The following ARHGAP15 variants were observed in gnomAD, a reference collection of about 807,000 sequenced individuals.
The protein encoded by ARHGAP15 is rho GTPase-activating protein 15.
A neutral mutation model predicts 63.7 loss-of-function variants in ARHGAP15; 51 were observed. The ratio of observed to expected loss-of-function variants is 0.80; its 90% CI spans 0.64 to 1.01. ARHGAP15 has a LOEUF of 1.01. Ranked by LOEUF, ARHGAP15 falls within the 50% of genes least tolerant of loss-of-function variation. ARHGAP15 has a pLI of 0.00. For missense variants in ARHGAP15, 560 were observed against 564.6 expected (o/e 0.99, Z 0.08); for synonymous variants, 191 against 193.8 (o/e 0.99, Z 0.12).
intron 6 of ARHGAP15, among the ~76,000 whole-genome samples, chr2:143,395,142 C>T (rs950759996): frequency 3.9e-5 from 6 of 152,042 alleles, no homozygotes; most frequent in African/African-American, 1.4e-4. Flanking sequence ...TAGTTGTTTA[C>T]ATTAAAGGAG....
intron 9 of ARHGAP15, among the ~76,000 whole-genome samples, chr2:143,509,891 C>T (rs1268916812): frequency 2.0e-5 from 3 of 151,744 alleles, no homozygotes; most frequent in African/African-American, 7.3e-5. Context: ...TGTGCTGGCG[C>T]ATGCCTGTAA....
chr2:143,358,029 A>G (rs1257724949), intron 6 of ARHGAP15, among the ~76,000 whole-genome samples: 1 of 152,212 alleles, frequency 6.6e-6, no homozygotes, highest in Non-Finnish European at 1.5e-5. Flanking sequence ...TCTGTTACAT[A>G]TGGACTACTT....
chr2:143,413,927 T>TTGTGTGTGTGTGTGTG (rs1553476588), intron 6 of ARHGAP15, among the ~76,000 whole-genome samples: 30 of 127,986 alleles, frequency 2.3e-4, no homozygotes, highest in African/African-American at 4.7e-4. Flanking sequence ...AGGTAGGTAG[T>TTGTGTGTGTGTGTGTG]TGTGTGTGTG....
intron 5 of ARHGAP15, chr2:143,235,908 C>T (rs1271763922): frequency 1.3e-6 from 2 of 1,528,630 alleles, no homozygotes; most frequent in Non-Finnish European, 1.8e-6. Flanking sequence ...TCATTTGCAG[C>T]TTGACTCCTA....
chr2:143,703,615 A>G, intron 13 of ARHGAP15, 91 bp downstream of exon 13: 1 of 933,052 alleles, frequency 1.1e-6, no homozygotes, highest in Non-Finnish European at 1.6e-6. Flanking sequence ...AAGAGTTTCC[A>G]AATGCGTACA....
intron 6 of ARHGAP15, among the ~76,000 whole-genome samples, chr2:143,304,111 C>T (rs1043814482): frequency 3.9e-5 from 6 of 152,108 alleles, no homozygotes; most frequent in Admixed American, 6.5e-5. Flanking sequence ...TGGATATATA[C>T]TTAAAGGATT....
intron 10 of ARHGAP15, among the ~76,000 whole-genome samples, chr2:143,523,377 A>T (rs1694137843): frequency 6.6e-6 from 1 of 152,162 alleles, no homozygotes; most frequent in Non-Finnish European, 1.5e-5. Context: ...ACCTTGAACG[A>T]TAAACACATA....
chr2:143,180,801 G>A (rs1691204885), intron 2 of ARHGAP15, among the ~76,000 whole-genome samples: 1 of 152,080 alleles, frequency 6.6e-6, no homozygotes. Context: ...AGCCTCCCGA[G>A]TAGCTGGGAC....
chr2:143,396,048 A>G (rs150613239), intron 6 of ARHGAP15, among the ~76,000 whole-genome samples: 8 of 152,184 alleles, frequency 5.3e-5, no homozygotes, highest in African/African-American at 1.7e-4. Flanking sequence ...GCATTAATCG[A>G]TATTGTGGAA....
intron 13 of ARHGAP15, among the ~76,000 whole-genome samples, chr2:143,727,972 G>A (rs1164051411): frequency 6.6e-6 from 1 of 152,208 alleles, no homozygotes; most frequent in Non-Finnish European, 1.5e-5. Context: ...TTTTAAAAAT[G>A]TGTATCTTTT....
At chr2:143,210,620 TGA>T (rs1397659136) in intron 3 of ARHGAP15, among the ~76,000 whole-genome samples, 1 of 152,062 alleles carries the variant, frequency 6.6e-6, no homozygotes, top group African/African-American at 2.4e-5. Context: ...TTATCCTAAG[TGA>T]GAGAAAGTAA....
intron 8 of ARHGAP15, among the ~76,000 whole-genome samples, chr2:143,442,663 G>A (rs909456659): frequency 2.6e-5 from 4 of 152,086 alleles, no homozygotes; most frequent in African/African-American, 9.7e-5. Context: ...AAAAGTATGT[G>A]TAATGACAGA....
intron 6 of ARHGAP15, among the ~76,000 whole-genome samples, chr2:143,429,083 T>C (rs4662331): frequency 0.89 from 135,310 of 152,130 alleles, 60,546 homozygotes; most frequent in Middle Eastern, 0.97. Context: ...GCAAAAGTTT[T>C]GGTGTGGCTG....
chr2:143,384,580 A>T (rs925402516), intron 6 of ARHGAP15, among the ~76,000 whole-genome samples: 9 of 143,042 alleles, frequency 6.3e-5, no homozygotes, highest in African/African-American at 2.3e-4. Context: ...AAAAAAAAAA[A>T]TGTTGCTAAG....
intron 5 of ARHGAP15, 51 bp from the exon 6 acceptor site, chr2:143,250,460 C>A: frequency 2.2e-6 from 3 of 1,358,324 alleles, no homozygotes; most frequent in Non-Finnish European, 3.1e-6. Flanking sequence ...TCTCTGACAT[C>A]TATCTACAGT....
chr2:143,416,829 A>ACCCCCACC (rs1688706672), intron 6 of ARHGAP15, among the ~76,000 whole-genome samples: 1 of 104,770 alleles, frequency 9.5e-6, no homozygotes, highest in Non-Finnish European at 1.9e-5. Flanking sequence ...CCACCCCCCC[A>ACCCCCACC]CCCCCACGCC....
Position 143,158,917 on chromosome 2 carries a change from A to G in ARHGAP15, c.165+3262A>G, listed in dbSNP as rs1304640155. Among the ~76,000 whole-genome samples the G allele has an allele frequency of 2.6e-5, 4 of 151,942 alleles. 1 individual carries two copies. The highest frequency in any genetic ancestry group is 9.7e-5 in the African/African-American group (4 of 41,412). On this transcript the variant is annotated intron_variant, in intron 2 of 13. Transcript: ENST00000295095. Reference sequence around the variant, plus strand: ...TTAATGTGGCTTTGATGTTATTTATAAGAGAGATGCTCCTGCCTAATACAC... The same window carrying G: ...TTAATGTGGCTTTGATGTTATTTATGAGAGAGATGCTCCTGCCTAATACAC...
chr2:143,616,930 C>G (rs1233821191), intron 11 of ARHGAP15, among the ~76,000 whole-genome samples: 1 of 152,136 alleles, frequency 6.6e-6, no homozygotes, highest in East Asian at 1.9e-4. Flanking sequence ...CCAATGTTTT[C>G]TAGTAGTACT....
At chr2:143,668,361 G>A (rs1416815391) in intron 12 of ARHGAP15, among the ~76,000 whole-genome samples, 1 of 151,842 alleles carries the variant, frequency 6.6e-6, no homozygotes, top group Non-Finnish European at 1.5e-5. Flanking sequence ...AGCTCTGAAT[G>A]GCTAATGAAT....
Sources: gnomAD v4.1 joint callset for allele counts (sites outside exome capture counted in the v4.1 genomes callset) on GRCh38, gnomAD v4.1.1 for gene constraint, MANE v1.5 for transcripts, NCBI Gene and HGNC (gene_info 2026-07-23, HGNC 2026-07-21) for gene names.